VPS13A: variants seen among roughly 807,000 people sequenced by gnomAD.
VPS13A encodes intermembrane lipid transfer protein VPS13A.
Under a neutral mutation model 390.9 loss-of-function variants are expected in VPS13A, and 264 were observed. The ratio of observed to expected loss-of-function variants is 0.68; its 90% CI spans 0.61 to 0.75. VPS13A has a LOEUF of 0.75. Ranked by LOEUF, VPS13A falls within the 30% of genes least tolerant of loss-of-function variation. The probability of loss-of-function intolerance (pLI) is 0.00; values close to 1 mark genes in which losing one functional copy is unlikely to be tolerated. For missense variants in VPS13A, 3,409 were observed against 3,733.9 expected, an observed-to-expected ratio of 0.91 and a Z score of 2.27; for synonymous variants, 1,231 against 1,227.1, an observed-to-expected ratio of 1.00 and a Z score of -0.07.
chr9:77,363,982 G>A (rs991195463), intron 59 of VPS13A, among the ~76,000 whole-genome samples: 1 of 152,144 alleles, frequency 6.6e-6, no homozygotes, highest in African/African-American at 2.4e-5. Context: ...TGGGGTAAGA[G>A]GGGCAGTGGC....
At position 77,177,556 on chromosome 9, in the gene VPS13A, G is replaced by C; in HGVS notation, c.-149G>C. ...ACCGCCTCCGTCTCTCGCTGGGCTCGCTAGGGCTGCGCGTTGGGCCAGCGG... is the reference window on the plus strand; with the variant it reads ...ACCGCCTCCGTCTCTCGCTGGGCTCCCTAGGGCTGCGCGTTGGGCCAGCGG... On this transcript the variant is annotated 5_prime_UTR_variant, in exon 1 of 72. Transcript: ENST00000360280. 1.4e-6 allele frequency: 1 copy of C among 716,228 alleles called. No homozygotes were observed. Among genetic ancestry groups the C allele is most frequent in the South Asian group, 1.5e-5 (1 of 64,832 alleles). The allele number at this position is 716,228 out of a possible 1,614,324, so 44.4% of individuals were successfully genotyped here.
chr9:77,267,177 C>G (rs907519925), intron 23 of VPS13A, among the ~76,000 whole-genome samples: 1 of 152,104 alleles, frequency 6.6e-6, no homozygotes, highest in Non-Finnish European at 1.5e-5. Flanking sequence ...ATTCTGCAAA[C>G]TCATTCTCCA....
At chr9:77,363,383 T>TA (rs1363336031) in intron 59 of VPS13A, among the ~76,000 whole-genome samples, 1 of 149,142 alleles carries the variant, frequency 6.7e-6, no homozygotes, top group East Asian at 2.0e-4. Flanking sequence ...TATGTTTTAT[T>TA]ACATTAATTT....
At chr9:77,409,488 A>T (rs1391469575) in intron 71 of VPS13A, among the ~76,000 whole-genome samples, 1 of 152,202 alleles carries the variant, frequency 6.6e-6, no homozygotes, top group East Asian at 1.9e-4. Flanking sequence ...GCTTCAGATG[A>T]TCAAACTACA....
At chr9:77,391,264 T>TTG (rs910094750) in intron 68 of VPS13A, among the ~76,000 whole-genome samples, 13 of 152,104 alleles carry the variant, frequency 8.5e-5, no homozygotes, top group African/African-American at 2.9e-4. Context: ...TCAGAAATAT[T>TTG]TGTGTGTGTG....
intron 59 of VPS13A, among the ~76,000 whole-genome samples, chr9:77,363,039 G>A (rs12345933): frequency 0.23 from 34,241 of 151,916 alleles, 4,140 homozygotes; most frequent in African/African-American, 0.28. Flanking sequence ...ACATAAGATC[G>A]TGTCATCTGA....
rs865951534 is a variant in VPS13A, at chr9:77,213,268, A to G, written c.650A>G (p.Asn217Ser). The change falls in exon 9 of 72, where the codon AAT (asparagine) becomes AGT (serine). Residue 217 changes from asparagine (N) to serine (S), a missense_variant. Physicochemically the swap from Asn to Ser is conservative, Grantham distance 46. Around this residue, in one of 5 missense-constraint regions of VPS13A, gnomAD observed 2,717 missense variants for 2,917.4 expected, o/e 0.93. Coordinates refer to ENST00000360280, the MANE Select transcript of VPS13A (RefSeq NM_033305.3). ...IRLDNLFAYW[N>S]VKSQMFYLSD... is the part of the protein sequence containing the mutation. ...TTGGATAACCTGTTTGCCTATTGGA[A>G]TGTGAAGTCTCAGATGTTTTATCTT... 6.8e-6 allele frequency: 11 copies of G among 1,613,646 alleles called. No individual in the cohort carries two copies. The highest frequency in any genetic ancestry group is 9.3e-6 in the Non-Finnish European group (11 of 1,179,852).
chr9:77,316,492 G>A, intron 39 of VPS13A, 86 bp downstream of exon 39: 1 of 1,099,074 alleles, frequency 9.1e-7, no homozygotes, highest in South Asian at 1.3e-5. Context: ...CTACCTACAT[G>A]CTTTCCAACC....
At chr9:77,382,736 AT>A (rs1833506555) in intron 68 of VPS13A, 1 of 986,794 alleles carries the variant, frequency 1.0e-6, no homozygotes, top group Non-Finnish European at 1.2e-6. Flanking sequence ...TTCCTGCTTT[AT>A]TCTAGTGTAG....
chr9:77,288,204 C>A (rs976919789), intron 31 of VPS13A, among the ~76,000 whole-genome samples: 14 of 152,128 alleles, frequency 9.2e-5, no homozygotes, highest in Middle Eastern at 3.4e-3. Flanking sequence ...TCTTGATCAG[C>A]CTGGTTAACG....
intron 59 of VPS13A, among the ~76,000 whole-genome samples, chr9:77,365,050 CTTCT>C (rs557839566): frequency 6.6e-6 from 1 of 152,076 alleles, no homozygotes; most frequent in Admixed American, 6.5e-5. Flanking sequence ...TTTTCAACAC[CTTCT>C]TTATTTTATT....
chr9:77,313,323 T>C (rs1421174647), intron 35 of VPS13A, among the ~76,000 whole-genome samples: 2 of 152,174 alleles, frequency 1.3e-5, no homozygotes, highest in African/African-American at 4.8e-5. Context: ...AGTATCTTAA[T>C]TGAAGTAGTG....
intron 10 of VPS13A, among the ~76,000 whole-genome samples, chr9:77,217,911 G>C (rs1590017008): frequency 6.6e-6 from 1 of 151,570 alleles, no homozygotes. Context: ...CACAGAGGTT[G>C]TACTGATTTA....
chr9:77,409,993 T>G (rs1217671282), intron 71 of VPS13A, among the ~76,000 whole-genome samples: 1 of 151,554 alleles, frequency 6.6e-6, no homozygotes, highest in African/African-American at 2.4e-5. Flanking sequence ...CACTTAATTG[T>G]CAGATTCACC....
rs113590203 is a variant in VPS13A, at chr9:77,417,328, T to G, written c.*1322T>G. Reference sequence around the variant, plus strand: ...TTCTCAGGCTCCTTAAACCCTCGCTTTGTTGTAAAAGCTAAAATAAACAGC... The same window carrying G: ...TTCTCAGGCTCCTTAAACCCTCGCTGTGTTGTAAAAGCTAAAATAAACAGC... On this transcript the variant is annotated 3_prime_UTR_variant, in exon 72 of 72. Coordinates refer to ENST00000360280, the MANE Select transcript of VPS13A (RefSeq NM_033305.3). 13 of 152,326 alleles carry G rather than the reference T, an allele frequency of 8.5e-5. No individual in the cohort carries two copies. Among genetic ancestry groups the G allele is most frequent in the African/African-American group, 3.1e-4 (13 of 41,586 alleles). 9.4% of individuals were successfully genotyped at this position (152,326 alleles called of 1,614,324 possible). A position where few individuals can be genotyped will look rare whatever the true frequency, so the allele number is the denominator to read the frequency against.
rs1190015244 is a variant in VPS13A, at chr9:77,420,598, ATAT to A, written c.*4596_*4598del. On this transcript the variant is annotated 3_prime_UTR_variant, in exon 72 of 72. Transcript: ENST00000360280. ...ACTTTATACAAATACAAATTAATTT[ATAT>A]TATAGTTTAACACCTGCTATGATGA... 1 of 152,202 alleles carries A rather than the reference ATAT, an allele frequency of 6.6e-6. No homozygotes were observed. The highest frequency in any genetic ancestry group is 1.9e-4 in the East Asian group (1 of 5,198). The allele number at this position is 152,202 out of a possible 1,614,324, so 9.4% of individuals were successfully genotyped here. A position where few individuals can be genotyped will look rare whatever the true frequency, so the allele number is the denominator to read the frequency against.
chr9:77,178,362 C>T (rs556439472), intron 1 of VPS13A, among the ~76,000 whole-genome samples: 10 of 152,374 alleles, frequency 6.6e-5, no homozygotes, highest in Admixed American at 5.2e-4. Flanking sequence ...CTGCTCTCCC[C>T]CTTCCGGCCC....
At chr9:77,302,112 C>T (rs886700779) in intron 33 of VPS13A, among the ~76,000 whole-genome samples, 2 of 151,954 alleles carry the variant, frequency 1.3e-5, no homozygotes, top group Non-Finnish European at 2.9e-5. Context: ...TGCCCACCAC[C>T]ACGCCTGGTT....
intron 2 of VPS13A, among the ~76,000 whole-genome samples, chr9:77,200,624 A>G (rs552391969): frequency 6.6e-6 from 1 of 152,270 alleles, no homozygotes; most frequent in East Asian, 1.9e-4. Flanking sequence ...TGGTGTGATC[A>G]TAGCTTACTG....
Sources: gnomAD v4.1 joint callset for allele counts (sites outside exome capture counted in the v4.1 genomes callset) on GRCh38, gnomAD v4.1.1 for gene constraint, gnomAD v4.1.1 regional missense constraint, MANE v1.5 for transcripts, NCBI Gene and HGNC (gene_info 2026-07-23, HGNC 2026-07-21) for gene names.